Variants in GEMIN5 observed in about 807,000 individuals in gnomAD.
The protein encoded by GEMIN5 is gem-associated protein 5.
In GEMIN5, 124 loss-of-function variants were observed where a neutral mutation model predicts 176.9. The observed-to-expected ratio is 0.70, with a 90% CI of 0.61 to 0.81. The LOEUF (loss-of-function observed/expected upper bound fraction) is 0.81, where lower values mean the gene tolerates loss of function less well. GEMIN5 is among the 40% of genes least tolerant of loss of function. The probability of loss-of-function intolerance (pLI) is 0.00; values close to 1 mark genes in which losing one functional copy is unlikely to be tolerated. For synonymous variants in GEMIN5, 673 were observed against 665.2 expected, an observed-to-expected ratio of 1.01 and a Z score of -0.18; for missense variants, 1,843 against 1,814.6, an observed-to-expected ratio of 1.02 and a Z score of -0.28.
At position 154,925,990 on chromosome 5, in the gene GEMIN5, A is replaced by G; in HGVS notation, c.1165T>C (p.Ser389Pro). Residue 389 changes from serine (S) to proline (P), a missense_variant, in exon 8 of 28, where the codon TCT (serine) becomes CCT (proline). By Grantham distance (74) the Ser-to-Pro change is moderately conservative. Coordinates refer to ENST00000285873, the MANE Select transcript of GEMIN5 (RefSeq NM_015465.5). ...ATGGCCAAAGAGCCTATGTCCACAG[A>G]AGAGAAAGCCAGGCTGTATGCAAAC... Reference protein sequence around the residue: ...GGFAYSLAFSSVDIGSLAIGV... With the variant: ...GGFAYSLAFSPVDIGSLAIGV... 6.2e-7 allele frequency: 1 copy of G among 1,613,556 alleles called. No individual in the cohort carries two copies. The highest frequency in any genetic ancestry group is 8.5e-7 in the Non-Finnish European group (1 of 1,179,462).
At chr5:154,937,465 T>C (rs1277626798) in intron 1 of GEMIN5, among the ~76,000 whole-genome samples, 1 of 152,214 alleles carries the variant, frequency 6.6e-6, no homozygotes, top group South Asian at 2.1e-4. Context: ...GCTCAAATAA[T>C]GTGAAAGTGA....
intron 1 of GEMIN5, among the ~76,000 whole-genome samples, chr5:154,937,608 G>A (rs187141885): frequency 6.6e-6 from 1 of 152,352 alleles, no homozygotes; most frequent in Non-Finnish European, 1.5e-5. Flanking sequence ...ACACGTTGCA[G>A]GATCTTGCTT....
chr5:154,907,566 T>C, intron 16 of GEMIN5, 25 bp downstream of exon 16: 1 of 1,544,684 alleles, frequency 6.5e-7, no homozygotes, highest in East Asian at 2.2e-5. Context: ...GAAATCCTAG[T>C]GATACACAGG....
chr5:154,933,769 A>C (rs2112222), intron 3 of GEMIN5, among the ~76,000 whole-genome samples: 1 of 152,036 alleles, frequency 6.6e-6, no homozygotes, highest in African/African-American at 2.4e-5. Flanking sequence ...CAACCTAATC[A>C]CCAACAGATC....
chr5:154,929,953 AGT>A (rs948036893), intron 5 of GEMIN5, among the ~76,000 whole-genome samples: 1 of 152,240 alleles, frequency 6.6e-6, no homozygotes, highest in African/African-American at 2.4e-5. Context: ...AATGTCCATC[AGT>A]GTGTGAGATA....
In GEMIN5 at chr5:154,904,632, G is replaced by A. The variant is rs1357248354; in HGVS notation, c.2510-3C>T. 1 of 1,607,072 alleles carries A rather than the reference G, an allele frequency of 6.2e-7. No homozygotes were observed. The highest frequency in any genetic ancestry group is 1.7e-5 in the Admixed American group (1 of 59,952). On this transcript the variant is annotated splice_region_variant and splice_polypyrimidine_tract_variant and intron_variant, in intron 17 of 27. Transcript: ENST00000285873. Reference sequence around the variant, plus strand: ...TTTTCTCTTCTTGATTAAGGTTTCTGAAATTTAATAAAGTACATACTATCT... The same window carrying A: ...TTTTCTCTTCTTGATTAAGGTTTCTAAAATTTAATAAAGTACATACTATCT...
intron 15 of GEMIN5, among the ~76,000 whole-genome samples, chr5:154,908,970 T>C (rs1322394855): frequency 6.6e-6 from 1 of 152,140 alleles, no homozygotes; most frequent in Non-Finnish European, 1.5e-5. Flanking sequence ...TTTTCTCTTT[T>C]TTGAGACAGG....
chr5:154,900,343 AG>A (rs2113465591), intron 21 of GEMIN5, among the ~76,000 whole-genome samples: 1 of 152,364 alleles, frequency 6.6e-6, no homozygotes, highest in East Asian at 1.9e-4. Flanking sequence ...AGTGATCTAG[AG>A]AGAGCAATAT....
intron 1 of GEMIN5, 62 bp downstream of exon 1, chr5:154,937,906 C>A: frequency 7.1e-7 from 1 of 1,400,900 alleles, no homozygotes. Flanking sequence ...GAGTCGTCCA[C>A]TCGGCGCCCC....
At chr5:154,917,563 C>T (rs542703990) in intron 12 of GEMIN5, among the ~76,000 whole-genome samples, 52 of 152,226 alleles carry the variant, frequency 3.4e-4, no homozygotes, top group Non-Finnish European at 7.2e-4. Context: ...AGATCAATGG[C>T]TGAATTATGA....
chr5:154,936,965 C>A, intron 2 of GEMIN5, 60 bp downstream of exon 2: 3 of 1,358,928 alleles, frequency 2.2e-6, no homozygotes, highest in Non-Finnish European at 3.0e-6. Context: ...TAGCTTGCAA[C>A]AGAAGAACCC....
intron 9 of GEMIN5, among the ~76,000 whole-genome samples, chr5:154,924,196 T>C (rs752487189): frequency 6.6e-6 from 1 of 152,218 alleles, no homozygotes; most frequent in Non-Finnish European, 1.5e-5. Flanking sequence ...AGTAATCACC[T>C]GTGGTTAATG....
intron 3 of GEMIN5, among the ~76,000 whole-genome samples, chr5:154,935,326 T>C (rs930099139): frequency 6.6e-6 from 1 of 152,214 alleles, no homozygotes; most frequent in Non-Finnish European, 1.5e-5. Context: ...ATTGCTTAAG[T>C]CTTCAAATTA....
intron 14 of GEMIN5, 95 bp from the exon 15 acceptor site, chr5:154,911,993 AAAAC>A (rs1203262063): frequency 4.3e-6 from 5 of 1,157,380 alleles, no homozygotes; most frequent in Non-Finnish European, 6.0e-6. Context: ...ACAAAAAACA[AAAAC>A]AATCTGCGGC....
Position 154,888,210 on chromosome 5 carries a change from TCACATA to T in GEMIN5, c.4521_4526del (p.Cys1507_Met1508del). On this transcript the variant is annotated inframe_deletion, in exon 28 of 28. Transcript: ENST00000285873. ...CAGTTTCTTCAAGGTGTGTGAAAAT[TCACATA>T]CAGAAGGTCTGGCAGTGTCTTCTGT... The T allele has an allele frequency of 6.2e-7, 1 of 1,614,076 alleles. No homozygotes were observed. The highest frequency in any genetic ancestry group is 8.5e-7 in the Non-Finnish European group (1 of 1,179,922).
chr5:154,922,182 T>C (rs1446179467), intron 9 of GEMIN5, among the ~76,000 whole-genome samples: 1 of 152,232 alleles, frequency 6.6e-6, no homozygotes, highest in Non-Finnish European at 1.5e-5. Context: ...TTTTTTCTGT[T>C]TTAGAGACGG....
intron 14 of GEMIN5, 124 bp from the exon 15 acceptor site, chr5:154,912,022 G>T: frequency 1.2e-6 from 1 of 853,010 alleles, no homozygotes; most frequent in South Asian, 1.9e-5. Flanking sequence ...TATTTCCTCA[G>T]GTGATTTAGA....
intron 3 of GEMIN5, among the ~76,000 whole-genome samples, chr5:154,933,231 A>G (rs1352813302): frequency 6.6e-6 from 1 of 152,210 alleles, no homozygotes. Context: ...ATTGTGTTAT[A>G]TCATTCCTAG....
intron 5 of GEMIN5, among the ~76,000 whole-genome samples, chr5:154,929,148 C>G (rs1420506372): frequency 6.6e-6 from 1 of 152,134 alleles, no homozygotes; most frequent in African/African-American, 2.4e-5. Context: ...GGCATGAACC[C>G]AGGAGGTGGA....
Sources: allele counts gnomAD v4.1 joint callset (sites outside exome capture counted in the v4.1 genomes callset), GRCh38; gene constraint gnomAD v4.1.1; transcripts MANE v1.5; gene names NCBI Gene and HGNC (gene_info 2026-07-23, HGNC 2026-07-21).